KCNN2: variants seen among roughly 807,000 people sequenced by gnomAD.
KCNN2 encodes the protein potassium calcium-activated channel subfamily N member 2.
KCNN2 carries 24 observed loss-of-function variants against 55.5 expected under a neutral mutation model. That is an observed-to-expected ratio of 0.43 (90% CI 0.31 to 0.61). The LOEUF (loss-of-function observed/expected upper bound fraction) is 0.61, where lower values mean the gene tolerates loss of function less well. Among genes scored for constraint, KCNN2 ranks in the 20% least tolerant of loss-of-function variants. The probability of loss-of-function intolerance (pLI) is 0.08; values close to 1 mark genes in which losing one functional copy is unlikely to be tolerated. For synonymous variants in KCNN2, 431 were observed against 336.1 expected (o/e 1.28, Z -3.09); for missense variants, 754 against 853.6 (o/e 0.88, Z 1.45).
intron 2 of KCNN2, among the ~76,000 whole-genome samples, chr5:114,334,462 T>C (rs908372615): frequency 1.4e-4 from 22 of 152,028 alleles, no homozygotes; most frequent in African/African-American, 4.8e-4. Context: ...ATGAAAAGTG[T>C]ATATATAGAT....
At chr5:114,332,385 A>G (rs1467465226) in intron 2 of KCNN2, among the ~76,000 whole-genome samples, 7 of 152,226 alleles carry the variant, frequency 4.6e-5, no homozygotes, top group African/African-American at 1.7e-4. Context: ...CTTGCAAGGT[A>G]CTAGAACCAA....
chr5:114,394,101 A>G (rs1166039937), intron 2 of KCNN2, among the ~76,000 whole-genome samples: 2 of 152,170 alleles, frequency 1.3e-5, no homozygotes, highest in Non-Finnish European at 2.9e-5. Context: ...CTCCGATTGT[A>G]CCAATTTACA....
At chr5:114,161,986 CCTT>C (rs1554072380) in intron 1 of KCNN2, among the ~76,000 whole-genome samples, 1 of 152,204 alleles carries the variant, frequency 6.6e-6, no homozygotes, top group Non-Finnish European at 1.5e-5. Flanking sequence ...TCTTCTGAAG[CCTT>C]CTTCTCTCAG....
intron 1 of KCNN2, among the ~76,000 whole-genome samples, chr5:114,087,688 T>C (rs897838320): frequency 7.2e-5 from 11 of 152,272 alleles, no homozygotes; most frequent in Non-Finnish European, 8.8e-5. Flanking sequence ...TCTTTTCCTC[T>C]TTTTCTTTTT....
intron 5 of KCNN2, chr5:114,486,629 C>G: frequency 1.4e-6 from 1 of 724,304 alleles, no homozygotes; most frequent in South Asian, 1.6e-5. Context: ...AGTGCACAGC[C>G]AGAAATACCA....
At chr5:114,282,554 A>G (rs554809328) in intron 2 of KCNN2, among the ~76,000 whole-genome samples, 3 of 152,274 alleles carry the variant, frequency 2.0e-5, no homozygotes, top group African/African-American at 7.2e-5. Context: ...ACTAAAATGT[A>G]AAGATTTATG....
At chr5:114,065,571 T>C (rs917125962) in intron 1 of KCNN2, among the ~76,000 whole-genome samples, 1 of 152,250 alleles carries the variant, frequency 6.6e-6, no homozygotes, top group Non-Finnish European at 1.5e-5. Context: ...ATATGCTTAG[T>C]ATCAACATAA....
At chr5:114,366,591 C>A (rs1757608936) in intron 2 of KCNN2, among the ~76,000 whole-genome samples, 1 of 152,190 alleles carries the variant, frequency 6.6e-6, no homozygotes, top group Non-Finnish European at 1.5e-5. Flanking sequence ...TAAAGATGTT[C>A]TAATTTGTCC....
intron 1 of KCNN2, among the ~76,000 whole-genome samples, chr5:114,178,084 C>T (rs1753172592): frequency 6.6e-6 from 1 of 152,132 alleles, no homozygotes; most frequent in Non-Finnish European, 1.5e-5. Context: ...TATTCACTGC[C>T]TATTCCTTTC....
intron 1 of KCNN2, among the ~76,000 whole-genome samples, chr5:114,126,837 T>TG (rs945770217): frequency 2.0e-5 from 3 of 152,080 alleles, no homozygotes; most frequent in Non-Finnish European, 4.4e-5. Flanking sequence ...CTAGATACAA[T>TG]GGGGGTACAG....
At chr5:114,259,051 C>T (rs1314717489) in intron 2 of KCNN2, among the ~76,000 whole-genome samples, 2 of 152,192 alleles carry the variant, frequency 1.3e-5, no homozygotes, top group East Asian at 3.9e-4. Context: ...GTCAGGGGCC[C>T]AGCACAGAAG....
In KCNN2 at chr5:114,384,305, C is replaced by T. The variant is rs1758213623; in HGVS notation, c.1219-20133C>T. On this transcript the variant is annotated intron_variant, in intron 2 of 7. Transcript: ENST00000673685. ...ATTCACCACAGTTGATTTAAGGAGA[C>T]TTGTAGAACAATCTTTATCCATAAT... 2.6e-5 allele frequency among the ~76,000 whole-genome samples: 4 copies of T among 152,160 alleles called. No homozygotes were observed. In the South Asian group the frequency reaches 8.3e-4, roughly 31 times the overall value.
chr5:114,319,180 G>A (rs979906568), intron 2 of KCNN2, among the ~76,000 whole-genome samples: 5 of 152,172 alleles, frequency 3.3e-5, no homozygotes, highest in African/African-American at 9.7e-5. Flanking sequence ...CGGGAAAGCA[G>A]CTAAGTCCAC....
intron 2 of KCNN2, among the ~76,000 whole-genome samples, chr5:114,233,949 T>C (rs768239736): frequency 6.6e-6 from 1 of 152,116 alleles, no homozygotes; most frequent in Non-Finnish European, 1.5e-5. Flanking sequence ...CTTTTATATA[T>C]ACTTCATTCA....
chr5:114,057,846 T>A (rs1750243922), intron 1 of KCNN2, among the ~76,000 whole-genome samples: 1 of 152,116 alleles, frequency 6.6e-6, no homozygotes, highest in South Asian at 2.1e-4. Context: ...AAGTCCACAT[T>A]GAGATATTCT....
intron 5 of KCNN2, among the ~76,000 whole-genome samples, chr5:114,479,159 T>TTTAAAAGACACAGAATGGCAA (rs1212460486): frequency 6.6e-6 from 1 of 150,968 alleles, no homozygotes; most frequent in East Asian, 2.0e-4. Context: ...GACCCTCTCA[T>TTTAAAAGACACAGAATGGCAA]GTGCAGACAC....
intron 4 of KCNN2, among the ~76,000 whole-genome samples, chr5:114,468,377 C>G (rs17136652): frequency 0.047 from 7,160 of 152,250 alleles, 217 homozygotes; most frequent in South Asian, 0.076. Context: ...TTGAGTCAGT[C>G]AGCCCCAGGG....
chr5:114,225,394 G>A (rs1361807213), intron 2 of KCNN2, among the ~76,000 whole-genome samples: 1 of 152,042 alleles, frequency 6.6e-6, no homozygotes, highest in Non-Finnish European at 1.5e-5. Context: ...TGTTTTCTAA[G>A]CATTCTAAGC....
intron 3 of KCNN2, among the ~76,000 whole-genome samples, chr5:114,423,189 C>G (rs948458645): frequency 6.6e-6 from 1 of 152,158 alleles, no homozygotes; most frequent in Non-Finnish European, 1.5e-5. Context: ...GCACCAAGCA[C>G]TAAACCTGGA....
Sources: gnomAD v4.1 joint callset for allele counts (sites outside exome capture counted in the v4.1 genomes callset) on GRCh38, gnomAD v4.1.1 for gene constraint, MANE v1.5 for transcripts, NCBI Gene and HGNC (gene_info 2026-07-23, HGNC 2026-07-21) for gene names.